Variants in MAP2K6 observed in about 807,000 individuals in gnomAD.
MAP2K6 encodes the protein dual specificity mitogen-activated protein kinase kinase 6.
A neutral mutation model predicts 53.7 loss-of-function variants in MAP2K6; 16 were observed. The ratio of observed to expected loss-of-function variants is 0.30; its 90% CI spans 0.20 to 0.45. The LOEUF is 0.45. Ranked by LOEUF, MAP2K6 falls within the 20% of genes least tolerant of loss-of-function variation. The pLI is 1.00. For missense variants in MAP2K6, 204 were observed against 411.9 expected, an observed-to-expected ratio of 0.50 and a Z score of 4.37; for synonymous variants, 132 against 143.1, an observed-to-expected ratio of 0.92 and a Z score of 0.55.
At chr17:69,418,481 A>C (rs1279774261) in intron 1 of MAP2K6, among the ~76,000 whole-genome samples, 1 of 152,224 alleles carries the variant, frequency 6.6e-6, no homozygotes, top group Non-Finnish European at 1.5e-5. Context: ...AGGAAAAATA[A>C]GAATGACTAG....
At chr17:69,519,204 A>T in intron 4 of MAP2K6, 109 bp from the exon 5 acceptor site, 1 of 1,282,778 alleles carries the variant, frequency 7.8e-7, no homozygotes, top group Admixed American at 2.4e-5. Context: ...TCACAATGTC[A>T]TCGCCAGAAC....
At chr17:69,486,001 A>G (rs1340356768) in intron 1 of MAP2K6, among the ~76,000 whole-genome samples, 1 of 152,094 alleles carries the variant, frequency 6.6e-6, no homozygotes, top group Non-Finnish European at 1.5e-5. Context: ...AAGTCTGTGT[A>G]TTTTCCTATT....
chr17:69,416,312 TC>T (rs1418631983), intron 1 of MAP2K6, among the ~76,000 whole-genome samples: 1 of 152,186 alleles, frequency 6.6e-6, no homozygotes, highest in Non-Finnish European at 1.5e-5. Flanking sequence ...ACTCTGCTTT[TC>T]TTTGAGTATT....
At chr17:69,538,273 C>A (rs1911451374) in intron 11 of MAP2K6, among the ~76,000 whole-genome samples, 1 of 152,234 alleles carries the variant, frequency 6.6e-6, no homozygotes, top group African/African-American at 2.4e-5. Flanking sequence ...AGAAATTTCA[C>A]TGAAACACAC....
intron 7 of MAP2K6, chr17:69,521,319 C>T (rs1375451811): frequency 4.7e-6 from 2 of 422,618 alleles, no homozygotes. Flanking sequence ...GTCTTACATC[C>T]AAATTGAATA....
At chr17:69,415,058 AT>A in intron 1 of MAP2K6, 58 bp downstream of exon 1, 2 of 1,467,264 alleles carry the variant, frequency 1.4e-6, no homozygotes, top group African/African-American at 2.8e-5. Flanking sequence ...GCATTTATGA[AT>A]GCATGGATGC....
intron 1 of MAP2K6, among the ~76,000 whole-genome samples, chr17:69,465,152 C>T (rs1249284143): frequency 6.6e-6 from 1 of 150,458 alleles, no homozygotes; most frequent in Non-Finnish European, 1.5e-5. Flanking sequence ...GCCACCTGGA[C>T]TCATTTAAGT....
In MAP2K6 at chr17:69,448,919, G is replaced by GTAGGTGTTAGGAGGTGTTAGTA. The variant is rs1172418658; in HGVS notation, c.16+33919_16+33920insTAGGTGTTAGGAGGTGTTAGTA. ...GACAACGGAGGTGTTAGTAGGTGTA[G>GTAGGTGTTAGGAGGTGTTAGTA]GGCTGGCTGGGTGTAGCTGTTGCAG... On this transcript the variant is annotated intron_variant, in intron 1 of 11. Transcript: ENST00000590474. Among the ~76,000 whole-genome samples, 6 of 152,358 alleles carry GTAGGTGTTAGGAGGTGTTAGTA rather than the reference G, an allele frequency of 3.9e-5. No homozygotes were observed. In the East Asian group the frequency reaches 1.2e-3, roughly 29 times the overall value.
At chr17:69,462,062 C>T (rs1229704207) in intron 1 of MAP2K6, among the ~76,000 whole-genome samples, 1 of 152,164 alleles carries the variant, frequency 6.6e-6, no homozygotes, top group African/African-American at 2.4e-5. Flanking sequence ...GAATTACAGA[C>T]ATTCGGGATG....
chr17:69,428,931 AACACAC>A lies in MAP2K6; in HGVS notation c.16+13954_16+13959del, dbSNP rs140138538. On this transcript the variant is annotated intron_variant, in intron 1 of 11. Coordinates refer to ENST00000590474, the MANE Select transcript of MAP2K6 (RefSeq NM_002758.4). The stretch of plus-strand genomic sequence containing the variant: ...TAAACTGGGGTGTGTTAAATTAGAG[AACACAC>A]ACACACACACACACACACACACGTT... Among the ~76,000 whole-genome samples the A allele has an allele frequency of 2.5e-3, 342 of 137,328 alleles. 3 individuals carry two copies. Among genetic ancestry groups the A allele is most frequent in the African/African-American group, 9.3e-3 (327 of 35,338 alleles). 90.1% of individuals were successfully genotyped at this position (137,328 alleles called of 152,430 possible). A position where few individuals can be genotyped will look rare whatever the true frequency, so the allele number is the denominator to read the frequency against.
intron 4 of MAP2K6, 38 bp from the exon 5 acceptor site, chr17:69,519,275 G>GAGT (rs767222134): frequency 1.2e-6 from 2 of 1,603,536 alleles, no homozygotes; most frequent in Non-Finnish European, 1.7e-6. Flanking sequence ...CTCATCCTCA[G>GAGT]AGTAGTAACC....
Position 69,454,113 on chromosome 17 carries a change from T to G in MAP2K6, c.16+39113T>G, listed in dbSNP as rs1284788331. 2.6e-5 allele frequency among the ~76,000 whole-genome samples: 4 copies of G among 152,158 alleles called. No homozygotes were observed. The East Asian group carries it at 5.8e-4, about 22-fold the overall frequency. On this transcript the variant is annotated intron_variant, in intron 1 of 11. Transcript: ENST00000590474. ...ATTTCCTAGTGACACGGTCAAAAACTCTTTGTTGTGGTTTGGTAGGAGCAA... is the reference window on the plus strand; with the variant it reads ...ATTTCCTAGTGACACGGTCAAAAACGCTTTGTTGTGGTTTGGTAGGAGCAA...
chr17:69,514,513 C>T (rs1212843210), intron 2 of MAP2K6, among the ~76,000 whole-genome samples: 2 of 152,036 alleles, frequency 1.3e-5, no homozygotes, highest in Non-Finnish European at 2.9e-5. Context: ...GAAGGCTTGC[C>T]ATTAAAATCT....
chr17:69,522,377 A>G (rs1910527697), intron 7 of MAP2K6, among the ~76,000 whole-genome samples: 1 of 152,254 alleles, frequency 6.6e-6, no homozygotes, highest in Admixed American at 6.5e-5. Context: ...TGAAATATGT[A>G]ATTCATATTA....
chr17:69,487,580 A>G (rs549778192), intron 1 of MAP2K6, among the ~76,000 whole-genome samples: 81 of 152,314 alleles, frequency 5.3e-4, no homozygotes, highest in African/African-American at 1.9e-3. Flanking sequence ...CTTTAATGCC[A>G]CCAAGGTAGA....
chr17:69,494,907 A>AG lies in MAP2K6; in HGVS notation c.17-10872dup, dbSNP rs1369013741. On this transcript the variant is annotated intron_variant, in intron 1 of 11. Coordinates refer to ENST00000590474, the MANE Select transcript of MAP2K6 (RefSeq NM_002758.4). The surrounding 1 kb of genome is among the most constrained non-coding windows in gnomAD (Gnocchi z 4.2). ...GTAATCCCAGCTACTCGGGAGGCTG[A>AG]GATAGGAGCATCGCTTGAACCTGGG... Among the ~76,000 whole-genome samples, 2 of 151,910 alleles carry AG rather than the reference A, an allele frequency of 1.3e-5. No homozygotes were observed. Among genetic ancestry groups the AG allele is most frequent in the Non-Finnish European group, 2.9e-5 (2 of 67,974 alleles).
At chr17:69,470,479 C>T (rs1907951334) in intron 1 of MAP2K6, among the ~76,000 whole-genome samples, 1 of 152,140 alleles carries the variant, frequency 6.6e-6, no homozygotes, top group Non-Finnish European at 1.5e-5. Flanking sequence ...GAATCTTTCC[C>T]AGGACAAGAG....
intron 10 of MAP2K6, among the ~76,000 whole-genome samples, chr17:69,528,859 C>CAAAAAAAA (rs58897757): frequency 1.7e-5 from 1 of 59,090 alleles, no homozygotes; most frequent in Non-Finnish European, 2.9e-5. Context: ...GACGCCATCT[C>CAAAAAAAA]AAAAAAAAAA....
chr17:69,473,031 A>G (rs1908033602), intron 1 of MAP2K6, among the ~76,000 whole-genome samples: 1 of 152,216 alleles, frequency 6.6e-6, no homozygotes, highest in Non-Finnish European at 1.5e-5. Flanking sequence ...AAATGTATGC[A>G]TAGCCCACTT....
Sources: allele counts gnomAD v4.1 joint callset (sites outside exome capture counted in the v4.1 genomes callset), GRCh38; gene constraint gnomAD v4.1.1; non-coding constraint Gnocchi (gnomAD v3.1); transcripts MANE v1.5; gene names NCBI Gene and HGNC (gene_info 2026-07-23, HGNC 2026-07-21).